VPS13B: variants seen among roughly 807,000 people sequenced by gnomAD.
VPS13B encodes vacuolar protein sorting 13 homolog B.
A neutral mutation model predicts 426.4 loss-of-function variants in VPS13B; 285 were observed. The ratio of observed to expected loss-of-function variants is 0.67; its 90% confidence interval spans 0.61 to 0.74. VPS13B has a LOEUF of 0.74. Ranked by LOEUF, VPS13B falls within the 30% of genes least tolerant of loss-of-function variation. The pLI, the probability that VPS13B is intolerant of heterozygous loss-of-function variation, is 0.00. For synonymous variants in VPS13B, 1,676 were observed against 1,676.4 expected (o/e 1.00, Z 0.01); for missense variants, 4,537 against 4,782.6 (o/e 0.95, Z 1.51).
At chr8:99,741,514 A>C (rs1454469788) in intron 39 of VPS13B, among the ~76,000 whole-genome samples, 1 of 152,202 alleles carries the variant, frequency 6.6e-6, no homozygotes, top group African/African-American at 2.4e-5. Flanking sequence ...AAATCAACAG[A>C]ATATACATTC....
intron 41 of VPS13B, 149 bp from the exon 42 acceptor site, chr8:99,778,533 T>C (rs1811854206): frequency 1.3e-6 from 1 of 750,544 alleles, no homozygotes; most frequent in Admixed American, 2.2e-5. Context: ...AAGATTATAA[T>C]ATCTTCAATA....
At chr8:99,497,028 A>G (rs1820923062) in intron 25 of VPS13B, among the ~76,000 whole-genome samples, 1 of 148,862 alleles carries the variant, frequency 6.7e-6, no homozygotes. Flanking sequence ...AGAATAATCT[A>G]AAATTCTGAG....
chr8:99,354,266 CTTTTTTTTTTTTTTTTTTTTTT>C (rs71273176), intron 19 of VPS13B, among the ~76,000 whole-genome samples: 58 of 22,198 alleles, frequency 2.6e-3, no homozygotes, highest in African/African-American at 6.9e-3. Context: ...CTCCCCCTGC[CTTTTTTTTTTTTTTTTTTTTTT>C]TTTTTTTTTT....
chr8:99,497,319 T>A (rs1171350601), intron 25 of VPS13B, among the ~76,000 whole-genome samples: 1 of 145,514 alleles, frequency 6.9e-6, no homozygotes, highest in Non-Finnish European at 1.5e-5. Context: ...ATAATATGTA[T>A]ATATTTATAT....
intron 17 of VPS13B, among the ~76,000 whole-genome samples, chr8:99,202,826 G>T (rs997481983): frequency 6.6e-6 from 1 of 151,828 alleles, no homozygotes; most frequent in African/African-American, 2.4e-5. Context: ...TCAGGAGATC[G>T]AGACCATCCT....
Position 99,179,497 on chromosome 8 carries a change from C to G in VPS13B, c.2333+9334C>G, listed in dbSNP as rs1420082529. On this transcript the variant is annotated intron_variant, in intron 16 of 61. Coordinates refer to ENST00000357162, the MANE Select transcript of VPS13B (RefSeq NM_152564.5). ...TTTTCTCTCCTTTTACCAAATTGTTCACTATTATTGTTTTACTATTCTGTA... is the reference window on the plus strand; with the variant it reads ...TTTTCTCTCCTTTTACCAAATTGTTGACTATTATTGTTTTACTATTCTGTA... Among the ~76,000 whole-genome samples, 4 of 152,126 alleles carry G rather than the reference C, an allele frequency of 2.6e-5. No homozygotes were observed. In the South Asian group the frequency reaches 6.2e-4, roughly 24 times the overall value.
intron 35 of VPS13B, among the ~76,000 whole-genome samples, chr8:99,662,743 T>TAATTTA (rs200444836): frequency 0.048 from 7,258 of 152,202 alleles, 188 homozygotes; most frequent in African/African-American, 0.065. Flanking sequence ...CCACTGCTCC[T>TAATTTA]GGCCATTAAG....
intron 33 of VPS13B, among the ~76,000 whole-genome samples, chr8:99,593,225 AC>A (rs1826785993): frequency 6.6e-6 from 1 of 152,008 alleles, no homozygotes; most frequent in Non-Finnish European, 1.5e-5. Context: ...AAGAAAAAAA[AC>A]AACCCCATTA....
At chr8:99,784,869 A>G (rs996775744) in intron 43 of VPS13B, among the ~76,000 whole-genome samples, 11 of 152,182 alleles carry the variant, frequency 7.2e-5, no homozygotes, top group African/African-American at 2.2e-4. Context: ...TAAGGCATTA[A>G]TACATAAGCA....
intron 5 of VPS13B, among the ~76,000 whole-genome samples, chr8:99,103,973 C>T (rs903851467): frequency 3.3e-5 from 5 of 152,136 alleles, no homozygotes; most frequent in African/African-American, 4.8e-5. Context: ...TTCATTCTTT[C>T]TTACTTGCCA....
At position 99,870,828 on chromosome 8, in the gene VPS13B, C is replaced by A; in HGVS notation, c.11436C>A (p.Arg3812=). Residue 3812 remains arginine (R), a synonymous_variant, in exon 60 of 62, where the codon CGC becomes CGA. Transcript: ENST00000357162. ...GACTTTCTCAGCTTCCCAAACAGCGCCATCAGCCAAGTGATCTACATGCTG... is the reference window on the plus strand; with the variant it reads ...GACTTTCTCAGCTTCCCAAACAGCGACATCAGCCAAGTGATCTACATGCTG... ...GAGLSQLPKQ[R]HQPSDLHADQ... is the part of the protein sequence containing the mutation. 6.2e-7 allele frequency: 1 copy of A among 1,614,198 alleles called. No individual in the cohort carries two copies. The highest frequency in any genetic ancestry group is 8.5e-7 in the Non-Finnish European group (1 of 1,180,022).
At chr8:99,190,137 C>A (rs1436500261) in intron 16 of VPS13B, among the ~76,000 whole-genome samples, 1 of 151,946 alleles carries the variant, frequency 6.6e-6, no homozygotes, top group East Asian at 1.9e-4. Context: ...ACTTAATTAA[C>A]CATGTTATCA....
At chr8:99,815,817 A>G (rs1383044739) in intron 44 of VPS13B, among the ~76,000 whole-genome samples, 1 of 152,126 alleles carries the variant, frequency 6.6e-6, no homozygotes, top group Non-Finnish European at 1.5e-5. Context: ...TTCAATTTCA[A>G]CCAATTTAAG....
At position 99,634,398 on chromosome 8, in the gene VPS13B, C is replaced by A. The variant is rs527953928; in HGVS notation, c.5221-7413C>A. ...AACTATCTGCATGCTGCTTTTATTG[C>A]AGTTAGCACTTAGCAGGCAGTAGTG... On this transcript the variant is annotated intron_variant, in intron 33 of 61. Coordinates refer to ENST00000357162, the MANE Select transcript of VPS13B (RefSeq NM_152564.5). Among the ~76,000 whole-genome samples the A allele has an allele frequency of 2.6e-5, 4 of 152,048 alleles. No homozygotes were observed. In the South Asian group the frequency reaches 8.3e-4, roughly 32 times the overall value.
chr8:99,520,503 C>G (rs1354200049), intron 29 of VPS13B, among the ~76,000 whole-genome samples: 1 of 151,064 alleles, frequency 6.6e-6, no homozygotes, highest in East Asian at 1.9e-4. Context: ...TAATATCCTT[C>G]AATATATTTG....
At chr8:99,507,994 T>C in intron 28 of VPS13B, 2 of 1,591,306 alleles carry the variant, frequency 1.3e-6, no homozygotes, top group Non-Finnish European at 8.6e-7. Context: ...TAGAGTCAAC[T>C]CTTGATTTGT....
chr8:99,778,546 TA>T (rs1811855076), intron 41 of VPS13B, 135 bp from the exon 42 acceptor site: 2 of 801,840 alleles, frequency 2.5e-6, no homozygotes, highest in African/African-American at 3.4e-5. Flanking sequence ...CTTCAATAAA[TA>T]ATTTGAATTT....
chr8:99,427,409 T>C (rs1816782456), intron 21 of VPS13B, among the ~76,000 whole-genome samples: 1 of 147,892 alleles, frequency 6.8e-6, no homozygotes, highest in Non-Finnish European at 1.5e-5. Context: ...TCTTTTTTGG[T>C]TCCATATGAA....
In VPS13B at chr8:99,442,466, A is replaced by G. The variant is rs1169250559; in HGVS notation, c.3276A>G (p.Val1092=). The part of the protein sequence containing the change: ...NDSLPSPSTI[V]SGDIPGTVRS... ...GCCTGCCTTCCCCAAGTACAATTGT[A>G]TCTGGTGACATTCCTGGAACAGTAA... The change falls in exon 23 of 62, where the codon GTA becomes GTG. Residue 1092 remains valine (V), a synonymous_variant. Transcript: ENST00000357162. 2.5e-6 allele frequency: 4 copies of G among 1,613,890 alleles called. No individual in the cohort carries two copies. The highest frequency in any genetic ancestry group is 3.4e-6 in the Non-Finnish European group (4 of 1,179,914).
Sources: gnomAD v4.1 joint callset for allele counts (sites outside exome capture counted in the v4.1 genomes callset) on GRCh38, gnomAD v4.1.1 for gene constraint, MANE v1.5 for transcripts, NCBI Gene and HGNC (gene_info 2026-07-23, HGNC 2026-07-21) for gene names.